The following SYN3 variants were observed in gnomAD, a reference collection of about 807,000 sequenced individuals.
The protein encoded by SYN3 is synapsin-3.
In SYN3, 35 loss-of-function variants were observed where a neutral mutation model predicts 65.8. That is an observed-to-expected ratio of 0.53 (90% CI 0.41 to 0.70). The LOEUF (loss-of-function observed/expected upper bound fraction) is 0.70. Ranked by LOEUF, SYN3 falls within the 30% of genes least tolerant of loss-of-function variation. The pLI is 0.00. For synonymous variants in SYN3, 270 were observed against 292.9 expected (o/e 0.92, Z 0.80); for missense variants, 680 against 749.0 (o/e 0.91, Z 1.08).
rs1194478018 is a variant in SYN3, at chr22:32,794,942, G to A, written c.711+69973C>T. Among the ~76,000 whole-genome samples the A allele has an allele frequency of 2.6e-5, 4 of 152,176 alleles. No homozygotes were observed. In the East Asian group the frequency reaches 7.7e-4, roughly 29 times the overall value. On this transcript the variant is annotated intron_variant, in intron 6 of 13. Transcript: ENST00000358763. ...TGAACAAGGCTCAGAGAAACCGATA[G>A]CTGGAATATAAAGGGTTGGAAGAGG...
intron 6 of SYN3, among the ~76,000 whole-genome samples, chr22:32,812,317 T>C (rs548476589): frequency 6.6e-6 from 1 of 152,322 alleles, no homozygotes; most frequent in Non-Finnish European, 1.5e-5. Flanking sequence ...TTTCTGTGGT[T>C]GCAAAAGTGG....
chr22:32,538,036 C>T lies in SYN3; in HGVS notation c.992G>A (p.Arg331Lys), dbSNP rs1280217279. 1.2e-6 allele frequency: 2 copies of T among 1,614,038 alleles called. No homozygotes were observed. Among genetic ancestry groups the T allele is most frequent in the Non-Finnish European group, 8.5e-7 (1 of 1,179,950 alleles). Residue 331 changes from arginine (R) to lysine (K), a missense_variant and splice_region_variant, in exon 9 of 14, where the codon AGG (arginine) becomes AAG (lysine). Transcript: ENST00000358763. ...AMLEQVAMTERYRLWVDSCSE... is the reference protein window; with the variant it reads ...AMLEQVAMTEKYRLWVDSCSE... ...TCCCTACACCTCCTTTGTCTCTTAC[C>T]TCTCTGTCATGGCCACCTGCTCCAG...
intron 1 of SYN3, among the ~76,000 whole-genome samples, chr22:33,037,523 T>A (rs2053882721): frequency 6.6e-6 from 1 of 152,256 alleles, no homozygotes; most frequent in South Asian, 2.1e-4. Context: ...CATAGTCTGT[T>A]GCATTCTTGT....
intron 4 of SYN3, among the ~76,000 whole-genome samples, chr22:32,922,994 A>C (rs1348954743): frequency 6.6e-6 from 1 of 152,158 alleles, no homozygotes; most frequent in Admixed American, 6.5e-5. Context: ...ATCAAAGAGG[A>C]GATTTATTAT....
intron 3 of SYN3, among the ~76,000 whole-genome samples, chr22:32,947,943 C>T (rs2146803740): frequency 6.6e-6 from 1 of 152,296 alleles, no homozygotes; most frequent in East Asian, 1.9e-4. Flanking sequence ...TTCCAGATTC[C>T]TCCAGGTTAC....
intron 6 of SYN3, among the ~76,000 whole-genome samples, chr22:32,722,896 T>C (rs28413977): frequency 6.6e-6 from 1 of 152,026 alleles, no homozygotes; most frequent in Non-Finnish European, 1.5e-5. Context: ...ATGGGAATAA[T>C]AATAAAAGCC....
intron 7 of SYN3, among the ~76,000 whole-genome samples, chr22:32,569,181 C>A (rs1421905513): frequency 6.6e-6 from 1 of 152,098 alleles, no homozygotes; most frequent in African/African-American, 2.4e-5. Flanking sequence ...TATTTATACT[C>A]ACCCTCAGAG....
intron 6 of SYN3, chr22:32,859,196 A>C: frequency 6.2e-7 from 1 of 1,614,128 alleles, no homozygotes; most frequent in Non-Finnish European, 8.5e-7. Flanking sequence ...TCCTGCTACT[A>C]CCTGCCTTGC....
intron 6 of SYN3, among the ~76,000 whole-genome samples, chr22:32,840,255 C>A (rs2047855440): frequency 6.6e-6 from 1 of 152,148 alleles, no homozygotes; most frequent in Non-Finnish European, 1.5e-5. Flanking sequence ...TTAAATAAAA[C>A]CAAGATTAAT....
chr22:32,645,759 C>CA (rs2059974568), intron 6 of SYN3, among the ~76,000 whole-genome samples: 1 of 152,104 alleles, frequency 6.6e-6, no homozygotes, highest in South Asian at 2.1e-4. Flanking sequence ...AAAACCAAAA[C>CA]AACTCTTGGC....
At chr22:32,802,088 C>T in intron 6 of SYN3, 1 of 1,579,514 alleles carries the variant, frequency 6.3e-7, no homozygotes, top group Non-Finnish European at 8.6e-7. Flanking sequence ...GCTCGCCCAG[C>T]CACCCCCAGG....
At chr22:32,819,708 C>A (rs1323366344) in intron 6 of SYN3, among the ~76,000 whole-genome samples, 1 of 152,196 alleles carries the variant, frequency 6.6e-6, no homozygotes, top group Non-Finnish European at 1.5e-5. Flanking sequence ...GGGGCCGCGT[C>A]TCCCAGCATA....
chr22:32,818,122 G>A (rs2047136801), intron 6 of SYN3, among the ~76,000 whole-genome samples: 1 of 152,174 alleles, frequency 6.6e-6, no homozygotes. Context: ...CCCCCAAAAA[G>A]GTAACCTAAC....
chr22:33,014,240 G>A lies in SYN3; in HGVS notation c.-162-7416C>T, dbSNP rs566650260. Among the ~76,000 whole-genome samples, 7 of 152,184 alleles carry A rather than the reference G, an allele frequency of 4.6e-5. No individual in the cohort carries two copies. In the South Asian group the frequency reaches 1.5e-3, roughly 32 times the overall value. The stretch of plus-strand genomic sequence containing the variant: ...TTCCCCCTCCTTTTAAGGCTGAATG[G>A]TATTCCATCGTGTGTATATATACCA... On this transcript the variant is annotated intron_variant, in intron 1 of 13. Coordinates refer to ENST00000358763, the MANE Select transcript of SYN3 (RefSeq NM_003490.4).
Position 32,973,287 on chromosome 22 carries a change from G to T in SYN3, c.369+7358C>A, listed in dbSNP as rs183208727. Among the ~76,000 whole-genome samples the T allele has an allele frequency of 1.5e-3, 225 of 152,294 alleles. 1 individual carries two copies. Among genetic ancestry groups the T allele is most frequent in the Non-Finnish European group, 2.6e-3 (179 of 68,030 alleles). On this transcript the variant is annotated intron_variant, in intron 3 of 13. Transcript: ENST00000358763. Reference sequence around the variant, plus strand: ...AAAACTTCTCTGGAAAGGTGCCCAAGAAACTAGTGATAATAGTTAAGTACA... The same window carrying T: ...AAAACTTCTCTGGAAAGGTGCCCAATAAACTAGTGATAATAGTTAAGTACA...
chr22:32,875,587 C>T (rs968769487), intron 4 of SYN3, among the ~76,000 whole-genome samples: 2 of 152,140 alleles, frequency 1.3e-5, no homozygotes. Flanking sequence ...TGAGGTCACA[C>T]TGGAGGAGAG....
At chr22:32,557,968 T>C (rs1225583521) in intron 7 of SYN3, among the ~76,000 whole-genome samples, 2 of 152,226 alleles carry the variant, frequency 1.3e-5, no homozygotes, top group Non-Finnish European at 2.9e-5. Context: ...TGTGTTTTTC[T>C]CTCTTTTAAC....
In SYN3 at chr22:32,601,465, G is replaced by A. The variant is rs527927034; in HGVS notation, c.712-4729C>T. Among the ~76,000 whole-genome samples the A allele has an allele frequency of 3.3e-5, 5 of 152,318 alleles. No individual in the cohort carries two copies. In the South Asian group the frequency reaches 8.3e-4, roughly 25 times the overall value. The stretch of plus-strand genomic sequence containing the variant: ...GCTAATATTTTGTATTTTTAGTAGA[G>A]ACGGGGTTTCACCGTGTTAGCCAGA... On this transcript the variant is annotated intron_variant, in intron 6 of 13. Coordinates refer to ENST00000358763, the MANE Select transcript of SYN3 (RefSeq NM_003490.4).
intron 7 of SYN3, among the ~76,000 whole-genome samples, chr22:32,570,535 G>A (rs1301871213): frequency 6.6e-6 from 1 of 151,216 alleles, no homozygotes; most frequent in Non-Finnish European, 1.5e-5. Context: ...AGATCTGGGA[G>A]TAGGGAAAGG....
Sources: allele counts gnomAD v4.1 joint callset (sites outside exome capture counted in the v4.1 genomes callset), GRCh38; gene constraint gnomAD v4.1.1; transcripts MANE v1.5; gene names NCBI Gene and HGNC (gene_info 2026-07-23, HGNC 2026-07-21).